The following ARID1B variants were observed in gnomAD, a reference collection of about 807,000 sequenced individuals.
ARID1B encodes AT-rich interaction domain 1B.
Under a neutral mutation model 212.3 loss-of-function variants are expected in ARID1B, and 30 were observed. That is an observed-to-expected ratio of 0.14 (90% confidence interval 0.11 to 0.19). The LOEUF is 0.19. Among genes scored for constraint, ARID1B ranks in the 10% least tolerant of loss-of-function variants. The probability of loss-of-function intolerance (pLI) is 1.00; values close to 1 mark genes in which losing one functional copy is unlikely to be tolerated. For synonymous variants in ARID1B, 1,402 were observed against 1,301.7 expected (o/e 1.08, Z -1.66); for missense variants, 2,891 against 3,204.0 (o/e 0.90, Z 2.36).
At chr6:156,786,662 T>C (rs1707913059) in intron 1 of ARID1B, among the ~76,000 whole-genome samples, 1 of 152,214 alleles carries the variant, frequency 6.6e-6, no homozygotes, top group African/African-American at 2.4e-5. Flanking sequence ...ACATTTAGCA[T>C]TTGTGTATGC....
chr6:156,998,544 T>A (rs1778732957), intron 4 of ARID1B, among the ~76,000 whole-genome samples: 1 of 151,986 alleles, frequency 6.6e-6, no homozygotes, highest in Non-Finnish European at 1.5e-5. Flanking sequence ...TTGAAAGAAG[T>A]TGAGAAAAGT....
At chr6:156,959,156 C>T (rs79707449) in intron 4 of ARID1B, among the ~76,000 whole-genome samples, 93 of 152,184 alleles carry the variant, frequency 6.1e-4, no homozygotes, top group Admixed American at 1.9e-3. Flanking sequence ...AATGGTTGAG[C>T]GTAGTATCAT....
rs1166706802 is a variant in ARID1B at position 157,201,909 on chromosome 6, C to T, written c.5263+421C>T. 6.6e-6 allele frequency among the ~76,000 whole-genome samples: 1 copy of T among 152,168 alleles called. No homozygotes were observed. The highest frequency in any genetic ancestry group is 1.5e-5 in the Non-Finnish European group (1 of 68,032). On this transcript the variant is annotated intron_variant, in intron 18 of 19. Coordinates refer to ENST00000636930, the MANE Select transcript of ARID1B (RefSeq NM_001374828.1). The surrounding 1 kb of genome is among the most constrained non-coding windows in gnomAD (Gnocchi z 5.2). ...TTGGGCTTAAAGATTTGAACTTAAC[C>T]AAGCCACTTAATCACTACAATACGT...
intron 14 of ARID1B, 65 bp downstream of exon 14, chr6:157,189,845 C>T: frequency 1.2e-6 from 2 of 1,604,156 alleles, no homozygotes; most frequent in Non-Finnish European, 1.7e-6. Flanking sequence ...TTTTCTGGGG[C>T]AAACTTCACA....
intron 3 of ARID1B, among the ~76,000 whole-genome samples, chr6:156,934,912 T>TTATATATATATATATATATATA (rs201495355): frequency 1.9e-5 from 1 of 52,702 alleles, no homozygotes; most frequent in Non-Finnish European, 3.5e-5. Flanking sequence ...TAGTTGTTAA[T>TTATATATATATATATATATATA]TATATATATA....
At chr6:157,197,722 G>C (rs532175609) in intron 16 of ARID1B, among the ~76,000 whole-genome samples, 4 of 151,382 alleles carry the variant, frequency 2.6e-5, no homozygotes, top group South Asian at 2.1e-4. Flanking sequence ...ATGTTTTTTT[G>C]GGGGGGGTAG....
chr6:156,813,108 AT>A (rs71027315), intron 1 of ARID1B, among the ~76,000 whole-genome samples: 42,303 of 105,178 alleles, frequency 0.4, 7,010 homozygotes, highest in Admixed American at 0.47. Context: ...ATATATATAT[AT>A]TTTTTTTTTT....
intron 7 of ARID1B, among the ~76,000 whole-genome samples, chr6:157,145,047 C>G (rs924536562): frequency 6.6e-6 from 1 of 152,268 alleles, no homozygotes; most frequent in South Asian, 2.1e-4. Context: ...CTCTCCTGTT[C>G]CTGTTTCCTG....
intron 5 of ARID1B, among the ~76,000 whole-genome samples, chr6:157,092,013 A>G (rs961549948): frequency 5.9e-5 from 9 of 152,230 alleles, no homozygotes; most frequent in South Asian, 2.1e-4. Flanking sequence ...AGGAAGATGC[A>G]TGCTGCTTAT....
intron 4 of ARID1B, among the ~76,000 whole-genome samples, chr6:157,040,469 C>T (rs953736019): frequency 2.0e-5 from 3 of 152,148 alleles, no homozygotes; most frequent in Admixed American, 6.5e-5. Context: ...TTTAATGATC[C>T]TTTATCTTTC....
At chr6:156,844,795 CT>C (rs1170416715) in intron 2 of ARID1B, among the ~76,000 whole-genome samples, 1 of 152,154 alleles carries the variant, frequency 6.6e-6, no homozygotes, top group Non-Finnish European at 1.5e-5. Context: ...TATAAAATAA[CT>C]GTCTGTAGTT....
intron 4 of ARID1B, among the ~76,000 whole-genome samples, chr6:157,002,898 T>G (rs1365862035): frequency 6.6e-6 from 1 of 152,174 alleles, no homozygotes; most frequent in Non-Finnish European, 1.5e-5. Flanking sequence ...AGTGACATCT[T>G]AGACTTGAAG....
chr6:156,884,212 C>T (rs1787328329), intron 2 of ARID1B, among the ~76,000 whole-genome samples: 1 of 152,196 alleles, frequency 6.6e-6, no homozygotes, highest in Admixed American at 6.5e-5. Flanking sequence ...ATGTTTCTTC[C>T]TCCGAGTTGG....
chr6:156,897,246 C>CTTT, intron 2 of ARID1B, among the ~76,000 whole-genome samples: 1 of 103,562 alleles, frequency 9.7e-6, no homozygotes, highest in Non-Finnish European at 2.0e-5. Flanking sequence ...TCTTCTTCTT[C>CTTT]TTCTTCTTCT....
chr6:157,004,840 G>C (rs1010757024), intron 4 of ARID1B, among the ~76,000 whole-genome samples: 6 of 145,862 alleles, frequency 4.1e-5, no homozygotes, highest in Non-Finnish European at 7.5e-5. Flanking sequence ...TCTAGTTCTT[G>C]TGTGTGTACT....
chr6:156,914,217 G>T (rs1411295756), intron 3 of ARID1B, among the ~76,000 whole-genome samples: 1 of 151,922 alleles, frequency 6.6e-6, no homozygotes, highest in Non-Finnish European at 1.5e-5. Context: ...CCAGCCCGTG[G>T]TGCCCCCATT....
chr6:156,832,963 T>C (rs1369899229), intron 2 of ARID1B, among the ~76,000 whole-genome samples: 1 of 152,186 alleles, frequency 6.6e-6, no homozygotes, highest in Non-Finnish European at 1.5e-5. Flanking sequence ...TTCTCCCACA[T>C]CATCAGGCAA....
chr6:157,025,354 A>T (rs1400946183), intron 4 of ARID1B, among the ~76,000 whole-genome samples: 1 of 152,250 alleles, frequency 6.6e-6, no homozygotes, highest in Non-Finnish European at 1.5e-5. Flanking sequence ...TTGTGGATGG[A>T]TTACTATGTT....
chr6:156,890,210 A>G (rs1195490386), intron 2 of ARID1B, among the ~76,000 whole-genome samples: 1 of 152,198 alleles, frequency 6.6e-6, no homozygotes, highest in Non-Finnish European at 1.5e-5. Context: ...CTGACCTACT[A>G]TTCACTTCAG....
Sources: gnomAD v4.1 joint callset for allele counts (sites outside exome capture counted in the v4.1 genomes callset) on GRCh38, gnomAD v4.1.1 for gene constraint, Gnocchi (gnomAD v3.1) non-coding constraint, MANE v1.5 for transcripts, NCBI Gene and HGNC (gene_info 2026-07-23, HGNC 2026-07-21) for gene names.